The following FARP1 variants were observed in gnomAD, a reference collection of about 807,000 sequenced individuals.
The protein encoded by FARP1 is FERM, ARH/RhoGEF and pleckstrin domain protein 1.
Under a neutral mutation model 128.8 loss-of-function variants are expected in FARP1, and 52 were observed. The observed-to-expected ratio is 0.40, with a 90% CI of 0.32 to 0.51. The LOEUF is 0.51. Ranked by LOEUF, FARP1 falls within the 20% of genes least tolerant of loss-of-function variation. The probability of loss-of-function intolerance (pLI) is 0.45; values close to 1 mark genes in which losing one functional copy is unlikely to be tolerated. For missense variants in FARP1, 1,333 were observed against 1,367.9 expected (o/e 0.97, Z 0.40); for synonymous variants, 580 against 551.8 (o/e 1.05, Z -0.72).
chr13:98,305,860 C>CT (rs1594379938), intron 2 of FARP1, among the ~76,000 whole-genome samples: 1 of 114,278 alleles, frequency 8.8e-6, no homozygotes, highest in South Asian at 2.4e-4. Flanking sequence ...TATTACTTTC[C>CT]CTTTTTTTTT....
intron 13 of FARP1, chr13:98,404,751 A>T (rs1237656264): frequency 6.6e-6 from 1 of 152,238 alleles, no homozygotes; most frequent in Non-Finnish European, 1.5e-5. Flanking sequence ...ATGTGGGGGA[A>T]TATTGAAGAA....
intron 24 of FARP1, among the ~76,000 whole-genome samples, chr13:98,444,093 C>T (rs1434562898): frequency 6.7e-6 from 1 of 148,708 alleles, no homozygotes; most frequent in Non-Finnish European, 1.5e-5. Context: ...CATCTGGTGG[C>T]TGCGGCAGTC....
chr13:98,162,886 G>C (rs1354661769), intron 1 of FARP1, among the ~76,000 whole-genome samples: 2 of 152,170 alleles, frequency 1.3e-5, no homozygotes, highest in African/African-American at 4.8e-5. Flanking sequence ...GTGTAAATTA[G>C]TTCAACCGTT....
At position 98,449,706 on chromosome 13, in the gene FARP1, TAACA is replaced by T. The variant is rs557515638; in HGVS notation, c.*1392_*1395del. On this transcript the variant is annotated 3_prime_UTR_variant, in exon 27 of 27. Transcript: ENST00000319562. ...AGATGTACCAGACGGTTTCCAGTACTAACAAAGGGAATAAAAATACCTCACGCCA... is the reference window on the plus strand; with the variant it reads ...AGATGTACCAGACGGTTTCCAGTACTAAGGGAATAAAAATACCTCACGCCA... The T allele has an allele frequency of 5.6e-4, 83 of 149,288 alleles. 1 individual carries two copies. Among genetic ancestry groups the T allele is most frequent in the African/African-American group, 2.0e-3 (81 of 40,252 alleles). The allele number at this position is 149,288 out of a possible 1,614,324, so 9.2% of individuals were successfully genotyped here.
intron 2 of FARP1, among the ~76,000 whole-genome samples, chr13:98,313,108 A>T (rs1471299009): frequency 1.9e-5 from 2 of 104,974 alleles, no homozygotes; most frequent in African/African-American, 7.5e-5. Flanking sequence ...GTGGGTCATA[A>T]TACACACACA....
chr13:98,363,352 C>T (rs540642304), intron 3 of FARP1, among the ~76,000 whole-genome samples: 73 of 152,276 alleles, frequency 4.8e-4, no homozygotes, highest in African/African-American at 1.6e-3. Context: ...CTGCCCCTTC[C>T]GTGTGTATTG....
At chr13:98,214,481 A>G (rs7318272) in intron 2 of FARP1, among the ~76,000 whole-genome samples, 45,440 of 152,054 alleles carry the variant, frequency 0.3, 7,098 homozygotes, top group Middle Eastern at 0.43. Flanking sequence ...TTTTTAACAT[A>G]GAGATGATCT....
At chr13:98,316,382 C>A (rs1886720349) in intron 2 of FARP1, among the ~76,000 whole-genome samples, 1 of 152,168 alleles carries the variant, frequency 6.6e-6, no homozygotes, top group South Asian at 2.1e-4. Context: ...CTAGGTAGTT[C>A]TTGGATCATC....
chr13:98,373,442 G>A (rs947355141), intron 5 of FARP1, among the ~76,000 whole-genome samples: 9 of 151,852 alleles, frequency 5.9e-5, no homozygotes, highest in African/African-American at 1.9e-4. Context: ...AATCCAGCAC[G>A]ATAGTTTGTA....
intron 19 of FARP1, among the ~76,000 whole-genome samples, chr13:98,436,392 C>T (rs1253223660): frequency 5.9e-5 from 9 of 152,210 alleles, no homozygotes; most frequent in Admixed American, 2.6e-4. Context: ...AGGAATCAAA[C>T]GTATCATTCA....
chr13:98,426,430 C>A (rs1891790984), intron 17 of FARP1, among the ~76,000 whole-genome samples: 1 of 152,180 alleles, frequency 6.6e-6, no homozygotes, highest in Non-Finnish European at 1.5e-5. Context: ...GTTGATGCTG[C>A]AGTGAGCCAT....
At chr13:98,222,651 C>T (rs954443450) in intron 2 of FARP1, among the ~76,000 whole-genome samples, 1 of 151,410 alleles carries the variant, frequency 6.6e-6, no homozygotes, top group Admixed American at 6.6e-5. Flanking sequence ...GAGACGGAGT[C>T]TTGCTCTGTT....
intron 2 of FARP1, chr13:98,244,380 A>G (rs1383430881): frequency 8.1e-6 from 7 of 866,504 alleles, no homozygotes; most frequent in Non-Finnish European, 1.2e-5. Context: ...TAATAAACAT[A>G]TCCATCACTT....
intron 2 of FARP1, among the ~76,000 whole-genome samples, chr13:98,307,789 C>T (rs1411196945): frequency 6.6e-6 from 1 of 152,124 alleles, no homozygotes; most frequent in Non-Finnish European, 1.5e-5. Flanking sequence ...TTTCTCCCTC[C>T]AATATTATCT....
rs778236848 is a variant in FARP1 at position 98,176,526 on chromosome 13, G to C, written c.-24+33034G>C. ...CCACTTCATGGTTTTCGTCCTCGCAGATACAGTAGCGACCCTCTTCAAGCT... is the reference window on the plus strand; with the variant it reads ...CCACTTCATGGTTTTCGTCCTCGCACATACAGTAGCGACCCTCTTCAAGCT... On this transcript the variant is annotated intron_variant, in intron 1 of 26. Transcript: ENST00000319562. This position sits in a 1 kb window ranked among gnomAD's most constrained non-coding sequence, Gnocchi z 6.2. 1.2e-5 allele frequency: 20 copies of C among 1,614,076 alleles called. No individual in the cohort carries two copies. Among genetic ancestry groups the C allele is most frequent in the Non-Finnish European group, 1.6e-5 (19 of 1,180,040 alleles).
chr13:98,410,784 C>G lies in FARP1; in HGVS notation c.1653C>G (p.Thr551=). Residue 551 remains threonine, a synonymous_variant, in exon 15 of 27, where the codon ACC becomes ACG. Transcript: ENST00000319562. ...TCATAGCTAAGGAAGTGTCTACCAC[C>G]GAGCGAACATATCTGAAGGATCTCG... ...AYFIAKEVST[T]ERTYLKDLEV... 1 of 1,604,318 alleles carries G rather than the reference C, an allele frequency of 6.2e-7. No homozygotes were observed. Among genetic ancestry groups the G allele is most frequent in the Non-Finnish European group, 8.5e-7 (1 of 1,173,308 alleles).
At chr13:98,302,414 T>C (rs1171851177) in intron 2 of FARP1, among the ~76,000 whole-genome samples, 2 of 152,186 alleles carry the variant, frequency 1.3e-5, no homozygotes, top group Non-Finnish European at 2.9e-5. Context: ...CCCACACCAG[T>C]GGCCAAAGAT....
chr13:98,272,857 C>T (rs1229777756), intron 2 of FARP1, among the ~76,000 whole-genome samples: 1 of 152,142 alleles, frequency 6.6e-6, no homozygotes, highest in Non-Finnish European at 1.5e-5. Flanking sequence ...CTATTCTGAA[C>T]TCTTAATGGG....
intron 2 of FARP1, among the ~76,000 whole-genome samples, chr13:98,287,948 C>T (rs1333881544): frequency 6.6e-6 from 1 of 152,028 alleles, no homozygotes; most frequent in Non-Finnish European, 1.5e-5. Flanking sequence ...ACTACGGGCA[C>T]CCACCACCAT....
Sources: gnomAD v4.1 joint callset for allele counts (sites outside exome capture counted in the v4.1 genomes callset) on GRCh38, gnomAD v4.1.1 for gene constraint, Gnocchi (gnomAD v3.1) non-coding constraint, MANE v1.5 for transcripts, NCBI Gene and HGNC (gene_info 2026-07-23, HGNC 2026-07-21) for gene names.